EPB41L3: variants seen among roughly 807,000 people sequenced by gnomAD.
EPB41L3 encodes erythrocyte membrane protein band 4.1 like 3.
In EPB41L3, 57 loss-of-function variants were observed where a neutral mutation model predicts 127.1. The observed-to-expected ratio is 0.45, with a 90% confidence interval of 0.36 to 0.56. The LOEUF is 0.56. Ranked by LOEUF, EPB41L3 falls within the 20% of genes least tolerant of loss-of-function variation. The pLI is 0.00. For missense variants in EPB41L3, 1,273 were observed against 1,372.2 expected (o/e 0.93, Z 1.14); for synonymous variants, 572 against 549.5 (o/e 1.04, Z -0.57).
intron 16 of EPB41L3, among the ~76,000 whole-genome samples, chr18:5,402,005 T>C (rs2074567793): frequency 6.6e-6 from 1 of 152,106 alleles, no homozygotes; most frequent in Non-Finnish European, 1.5e-5. Context: ...TATTTAAAAT[T>C]TCTTTTTGTC....
chr18:5,423,837 A>G (rs1469305107), intron 10 of EPB41L3, among the ~76,000 whole-genome samples: 3 of 152,156 alleles, frequency 2.0e-5, no homozygotes, highest in Admixed American at 6.5e-5. Flanking sequence ...AACAGCTACT[A>G]AATAGTTTGA....
At chr18:5,412,058 TA>T (rs1469322245) in intron 13 of EPB41L3, among the ~76,000 whole-genome samples, 1 of 152,152 alleles carries the variant, frequency 6.6e-6, no homozygotes, top group Non-Finnish European at 1.5e-5. Context: ...TGATTGTTGT[TA>T]TGGGATTAGT....
intron 1 of EPB41L3, among the ~76,000 whole-genome samples, chr18:5,542,225 C>T (rs1259555835): frequency 6.6e-6 from 1 of 152,214 alleles, no homozygotes; most frequent in East Asian, 1.9e-4. Context: ...ATGTGCTGCT[C>T]TCTTTTCTTA....
rs763808085 is a variant in EPB41L3, at chr18:5,489,115, C to T, written c.69G>A (p.Ala23=). 12 of 1,594,926 alleles carry T rather than the reference C, an allele frequency of 7.5e-6. No individual in the cohort carries two copies. Among genetic ancestry groups the T allele is most frequent in the East Asian group, 2.3e-5 (1 of 43,842 alleles). The change falls in exon 2 of 23, where the codon GCG becomes GCA. Residue 23 remains alanine, a synonymous_variant. Coordinates refer to ENST00000341928, the MANE Select transcript of EPB41L3 (RefSeq NM_012307.5). ...PDQEAEPQEA[A]GAQGRAGAPV... The stretch of plus-strand genomic sequence containing the variant: ...GCGCCCCCGCGCGCCCCTGCGCCCC[C>T]GCCGCCTCCTGGGGCTCGGCCTCCT...
chr18:5,555,623 C>T (rs987669475), intron 3 of EPB41L3, among the ~76,000 whole-genome samples: 7 of 152,080 alleles, frequency 4.6e-5, no homozygotes, highest in Admixed American at 2.0e-4. Context: ...ATTACCAAGC[C>T]CTTTGTACTT....
rs146947191 is a variant in EPB41L3, at chr18:5,396,059, G to T, written c.2973+142C>A. The T allele has an allele frequency of 3.8e-4, 377 of 1,002,838 alleles. 1 individual carries two copies. In the African/African-American group the frequency reaches 5.3e-3, roughly 14 times the overall value. 62.1% of individuals were successfully genotyped at this position (1,002,838 alleles called of 1,614,324 possible). A position where few individuals can be genotyped will look rare whatever the true frequency, so the allele number is the denominator to read the frequency against. On this transcript the variant is annotated intron_variant, in intron 19 of 22. Coordinates refer to ENST00000341928, the MANE Select transcript of EPB41L3 (RefSeq NM_012307.5). ...GATCACTAATAAAATGACCATTATT[G>T]CATCACTTTTAATAGAAATGGTCTG...
chr18:5,442,188 C>T (rs759142121), intron 5 of EPB41L3, among the ~76,000 whole-genome samples: 3 of 152,100 alleles, frequency 2.0e-5, no homozygotes, highest in Non-Finnish European at 4.4e-5. Flanking sequence ...CTTTAATACT[C>T]CTTAGAAAAA....
At chr18:5,492,907 G>T (rs559258495) in intron 1 of EPB41L3, among the ~76,000 whole-genome samples, 2 of 152,134 alleles carry the variant, frequency 1.3e-5, no homozygotes, top group East Asian at 3.9e-4. Flanking sequence ...TTTATTAAAT[G>T]AACACCAAAA....
At position 5,398,114 on chromosome 18, in the gene EPB41L3, C is replaced by T. The variant is rs1415661230; in HGVS notation, c.2379G>A (p.Met793Ile). ...ATAAACTGAAGATTTCAGAGCCATC[C>T]ATGAGCTTTTCCCCAGAAGACTGCT... ...ETKQSSGEKL[M>I]DGSEIFSLLE... is the part of the protein sequence containing the mutation. Residue 793 changes from methionine (M) to isoleucine (I), a missense_variant, in exon 17 of 23, where the codon ATG becomes ATA. This residue lies in a region of EPB41L3 where 765 missense variants were observed against 782.9 expected (regional missense o/e 0.98). Coordinates refer to ENST00000341928, the MANE Select transcript of EPB41L3 (RefSeq NM_012307.5). The T allele has an allele frequency of 6.2e-7, 1 of 1,613,998 alleles. No individual in the cohort carries two copies. Among genetic ancestry groups the T allele is most frequent in the Non-Finnish European group, 8.5e-7 (1 of 1,180,028 alleles).
At chr18:5,416,545 G>A (rs1411291828) in intron 12 of EPB41L3, among the ~76,000 whole-genome samples, 167 bp from the exon 13 acceptor site, 1 of 152,220 alleles carries the variant, frequency 6.6e-6, no homozygotes, top group Non-Finnish European at 1.5e-5. Context: ...CAAGCTGCAT[G>A]CCACTGTTGC....
rs374106210 is a variant in EPB41L3 at position 5,415,515 on chromosome 18, T to G, written c.2067+303A>C. ...CTGATCAGAACCTTTAGCTTAGCCC[T>G]GATCTTTTACACAGCTGACGGGTTA... On this transcript the variant is annotated intron_variant, in intron 13 of 22. Transcript: ENST00000341928. Among the ~76,000 whole-genome samples, 72 of 152,346 alleles carry G rather than the reference T, an allele frequency of 4.7e-4. 2 individuals carry two copies. The South Asian group carries it at 0.014, about 29-fold the overall frequency.
chr18:5,526,175 A>G (rs1212864743), intron 1 of EPB41L3, among the ~76,000 whole-genome samples: 1 of 152,242 alleles, frequency 6.6e-6, no homozygotes, highest in African/African-American at 2.4e-5. Context: ...AAAGAGTAAT[A>G]ACATCCAATT....
At chr18:5,427,409 T>C (rs2078340702) in intron 9 of EPB41L3, among the ~76,000 whole-genome samples, 2 of 152,292 alleles carry the variant, frequency 1.3e-5, no homozygotes, top group Middle Eastern at 3.4e-3. Context: ...TACAAACCAC[T>C]AAGGAAGATA....
upstream of EPB41L3, among the ~76,000 whole-genome samples, chr18:5,547,147 G>A (rs772614779): frequency 2.6e-5 from 4 of 152,146 alleles, no homozygotes; most frequent in Non-Finnish European, 5.9e-5. Flanking sequence ...GGAACATAAA[G>A]TAGAAAGCAA....
At chr18:5,401,697 C>T (rs2074522701) in intron 16 of EPB41L3, among the ~76,000 whole-genome samples, 1 of 152,054 alleles carries the variant, frequency 6.6e-6, no homozygotes, top group South Asian at 2.1e-4. Context: ...TTAAGTATAT[C>T]AATTCATACT....
At chr18:5,415,779 A>G in intron 13 of EPB41L3, 39 bp downstream of exon 13, 2 of 1,583,530 alleles carry the variant, frequency 1.3e-6, no homozygotes, top group Non-Finnish European at 1.7e-6. Flanking sequence ...TCAAGCACGG[A>G]ACACGAAGGG....
upstream of EPB41L3, among the ~76,000 whole-genome samples, chr18:5,629,672 G>C (rs1304028999): frequency 6.6e-6 from 1 of 152,146 alleles, no homozygotes; most frequent in African/African-American, 2.4e-5. Context: ...AGCGGTTCGA[G>C]CTGCAGGGGG....
At chr18:5,522,984 T>C (rs1025184056) in intron 1 of EPB41L3, among the ~76,000 whole-genome samples, 2 of 152,192 alleles carry the variant, frequency 1.3e-5, no homozygotes, top group African/African-American at 2.4e-5. Flanking sequence ...TGAGCTGGTA[T>C]TATATGTAGA....
intron 16 of EPB41L3, chr18:5,400,102 C>G (rs1251251427): frequency 1.9e-5 from 3 of 157,732 alleles, no homozygotes; most frequent in Admixed American, 1.9e-4. Context: ...CTCAGCCTCC[C>G]CAGGAGCTGG....
Sources: gnomAD v4.1 joint callset for allele counts (sites outside exome capture counted in the v4.1 genomes callset) on GRCh38, gnomAD v4.1.1 for gene constraint, gnomAD v4.1.1 regional missense constraint, MANE v1.5 for transcripts, NCBI Gene and HGNC (gene_info 2026-07-23, HGNC 2026-07-21) for gene names.